CLASP2: variants seen among roughly 807,000 people sequenced by gnomAD.
The protein encoded by CLASP2 is cytoplasmic linker associated protein 2.
CLASP2 carries 47 observed loss-of-function variants against 194.4 expected under a neutral mutation model. The observed-to-expected ratio is 0.24, with a 90% CI of 0.19 to 0.31. CLASP2 has a LOEUF of 0.31. Ranked by LOEUF, CLASP2 falls within the 10% of genes least tolerant of loss-of-function variation. The probability of loss-of-function intolerance (pLI) is 1.00; values close to 1 mark genes in which losing one functional copy is unlikely to be tolerated. For missense variants in CLASP2, 1,445 were observed against 1,823.6 expected, an observed-to-expected ratio of 0.79 and a Z score of 3.78; for synonymous variants, 619 against 633.5, an observed-to-expected ratio of 0.98 and a Z score of 0.34.
intron 37 of CLASP2, among the ~76,000 whole-genome samples, chr3:33,507,048 C>T (rs1388742387): frequency 6.6e-6 from 1 of 151,384 alleles, no homozygotes; most frequent in African/African-American, 2.4e-5. Flanking sequence ...AAGTGATTCT[C>T]TTGCCTCAGC....
intron 6 of CLASP2, among the ~76,000 whole-genome samples, chr3:33,665,465 G>C (rs1240675725): frequency 6.6e-6 from 1 of 152,154 alleles, no homozygotes; most frequent in Non-Finnish European, 1.5e-5. Flanking sequence ...AAGACACACA[G>C]AGTAGATGAT....
intron 1 of CLASP2, among the ~76,000 whole-genome samples, chr3:33,702,697 A>G (rs1434307624): frequency 1.3e-5 from 2 of 152,194 alleles, no homozygotes; most frequent in African/African-American, 2.4e-5. Context: ...TGTAAAACAT[A>G]TATCTGTTAA....
intron 11 of CLASP2, among the ~76,000 whole-genome samples, chr3:33,620,207 C>T (rs762656070): frequency 6.6e-6 from 1 of 152,136 alleles, no homozygotes; most frequent in Non-Finnish European, 1.5e-5. Context: ...TAGTATCACG[C>T]CTTTTTTAGT....
intron 29 of CLASP2, among the ~76,000 whole-genome samples, chr3:33,552,263 C>T (rs1343025247): frequency 1.3e-5 from 2 of 151,662 alleles, no homozygotes; most frequent in Non-Finnish European, 2.9e-5. Context: ...GAATTACAGG[C>T]GCCCGCCACT....
rs748042437 is a variant in CLASP2 at position 33,584,709 on chromosome 3, A to C, written c.2239+41T>G. 4.8e-6 allele frequency: 7 copies of C among 1,443,842 alleles called. No individual in the cohort carries two copies. In the African/African-American group the frequency reaches 7.3e-5, roughly 15 times the overall value. The allele number at this position is 1,443,842 out of a possible 1,614,324, so 89.4% of individuals were successfully genotyped here. A position where few individuals can be genotyped will look rare whatever the true frequency, so the allele number is the denominator to read the frequency against. On this transcript the variant is annotated intron_variant, in intron 22 of 38. Coordinates refer to ENST00000682230, the MANE Select transcript of CLASP2 (RefSeq NM_001365631.1). ...GCCAAAGCCTGAAAAAAAAAAAAAAAGGGTTACATGTCTCACATAAAAAAA... is the reference window on the plus strand; with the variant it reads ...GCCAAAGCCTGAAAAAAAAAAAAAACGGGTTACATGTCTCACATAAAAAAA...
intron 6 of CLASP2, among the ~76,000 whole-genome samples, chr3:33,671,611 A>G (rs1327004584): frequency 6.6e-6 from 1 of 152,132 alleles, no homozygotes; most frequent in Non-Finnish European, 1.5e-5. Context: ...GGTACAGCGC[A>G]CCGTGCACGA....
At chr3:33,612,506 T>A (rs1471551035) in intron 12 of CLASP2, among the ~76,000 whole-genome samples, 1 of 152,176 alleles carries the variant, frequency 6.6e-6, no homozygotes, top group African/African-American at 2.4e-5. Flanking sequence ...TTTGAAATGG[T>A]GGTCTTAATA....
rs550763217 is a variant in CLASP2, at chr3:33,687,938, T to C, written c.470+339A>G. Among the ~76,000 whole-genome samples, 36 of 152,314 alleles carry C rather than the reference T, an allele frequency of 2.4e-4. No individual in the cohort carries two copies. In the East Asian group the frequency reaches 6.2e-3, roughly 26 times the overall value. On this transcript the variant is annotated intron_variant, in intron 4 of 38. Coordinates refer to ENST00000682230, the MANE Select transcript of CLASP2 (RefSeq NM_001365631.1). ...GTGGGGATGGGAAATGACTATAATA[T>C]GTGAAATATCATTGAATTAAAAGCA...
chr3:33,499,351 T>TC (rs2046311107), intron 38 of CLASP2, among the ~76,000 whole-genome samples: 1 of 115,146 alleles, frequency 8.7e-6, no homozygotes, highest in Admixed American at 9.7e-5. Context: ...CTAGGGCAGT[T>TC]CTTTTTTTTT....
intron 36 of CLASP2, among the ~76,000 whole-genome samples, chr3:33,512,583 AAAG>A (rs1469505905): frequency 1.6e-5 from 1 of 63,920 alleles, no homozygotes; most frequent in African/African-American, 5.7e-5. Flanking sequence ...AAAAAAAAAA[AAAG>A]AACACGTAAA....
intron 6 of CLASP2, among the ~76,000 whole-genome samples, chr3:33,665,747 C>T (rs74417472): frequency 6.6e-6 from 1 of 152,144 alleles, no homozygotes; most frequent in East Asian, 1.9e-4. Context: ...CACTGAATCC[C>T]TCCAACCCCA....
At chr3:33,685,360 A>AG (rs1373494948) in intron 5 of CLASP2, among the ~76,000 whole-genome samples, 1 of 151,246 alleles carries the variant, frequency 6.6e-6, no homozygotes, top group African/African-American at 2.4e-5. Flanking sequence ...AAAAAAAAAA[A>AG]AAAAAAAATC....
chr3:33,677,388 G>T (rs2088908793), intron 6 of CLASP2, among the ~76,000 whole-genome samples: 1 of 151,474 alleles, frequency 6.6e-6, no homozygotes, highest in South Asian at 2.1e-4. Context: ...AAAATGATGA[G>T]TTCATGTCCT....
intron 18 of CLASP2, chr3:33,602,617 A>T: frequency 1.3e-6 from 1 of 747,134 alleles, no homozygotes; most frequent in Non-Finnish European, 2.4e-6. Context: ...AGTAGGAGAA[A>T]GAAAACAGGA....
intron 6 of CLASP2, among the ~76,000 whole-genome samples, chr3:33,671,246 C>A (rs1158995321): frequency 6.6e-6 from 1 of 152,150 alleles, no homozygotes; most frequent in African/African-American, 2.4e-5. Flanking sequence ...GACTACAGAA[C>A]ACTTCCTCTC....
At chr3:33,658,956 A>C (rs1377066089) in intron 7 of CLASP2, 1 of 1,532,340 alleles carries the variant, frequency 6.5e-7, no homozygotes, top group East Asian at 2.4e-5. Flanking sequence ...CAAAAGAAGA[A>C]AAATAAATCT....
intron 29 of CLASP2, 91 bp from the exon 30 acceptor site, chr3:33,551,486 AT>A (rs34937822): frequency 0.018 from 18,678 of 1,024,134 alleles, 1 homozygote; most frequent in South Asian, 0.032. Context: ...GATGATGATG[AT>A]TTTTTTTTTT....
At chr3:33,635,090 A>G (rs1024293628) in intron 8 of CLASP2, among the ~76,000 whole-genome samples, 3 of 151,376 alleles carry the variant, frequency 2.0e-5, no homozygotes, top group African/African-American at 7.3e-5. Context: ...TGTCTCTACT[A>G]AAAATACCAA....
chr3:33,696,975 G>A (rs2091977211), intron 1 of CLASP2, 42 bp from the exon 2 acceptor site: 1 of 1,026,420 alleles, frequency 9.7e-7, no homozygotes. Context: ...AATTACTGAT[G>A]CATACTTTAA....
Sources: allele counts gnomAD v4.1 joint callset (sites outside exome capture counted in the v4.1 genomes callset), GRCh38; gene constraint gnomAD v4.1.1; transcripts MANE v1.5; gene names NCBI Gene and HGNC (gene_info 2026-07-23, HGNC 2026-07-21).